CADPS2: variants seen among roughly 807,000 people sequenced by gnomAD.
The protein encoded by CADPS2 is calcium-dependent secretion activator 2.
A neutral mutation model predicts 172.5 loss-of-function variants in CADPS2; 93 were observed. The observed-to-expected ratio is 0.54, with a 90% confidence interval of 0.46 to 0.64. The LOEUF is 0.64. Among genes scored for constraint, CADPS2 ranks in the 30% least tolerant of loss-of-function variants. The pLI, the probability that CADPS2 is intolerant of heterozygous loss-of-function variation, is 0.00. For synonymous variants in CADPS2, 546 were observed against 555.2 expected, an observed-to-expected ratio of 0.98 and a Z score of 0.23; for missense variants, 1,420 against 1,565.9, an observed-to-expected ratio of 0.91 and a Z score of 1.57.
intron 1 of CADPS2, among the ~76,000 whole-genome samples, chr7:122,828,397 C>T (rs75706733): frequency 0.022 from 3,278 of 151,814 alleles, 63 homozygotes; most frequent in Non-Finnish European, 0.032. Context: ...TTAGAACTTT[C>T]ATTTTTAAGA....
At chr7:122,725,089 T>C (rs2090941867) in intron 2 of CADPS2, among the ~76,000 whole-genome samples, 1 of 152,034 alleles carries the variant, frequency 6.6e-6, no homozygotes, top group African/African-American at 2.4e-5. Context: ...TTGAGAGAGC[T>C]GCAGTGGAAT....
At chr7:122,711,816 C>G (rs977290776) in intron 2 of CADPS2, among the ~76,000 whole-genome samples, 9 of 151,976 alleles carry the variant, frequency 5.9e-5, no homozygotes, top group Admixed American at 5.9e-4. Flanking sequence ...CCACACCCGG[C>G]TAATTTTTGT....
intron 7 of CADPS2, among the ~76,000 whole-genome samples, chr7:122,574,445 T>TTAAAAA (rs1458311901): frequency 3.7e-4 from 14 of 37,970 alleles, no homozygotes; most frequent in African/African-American, 6.6e-4. Flanking sequence ...GACCCTGTCT[T>TTAAAAA]AAAAAAAAAA....
intron 6 of CADPS2, among the ~76,000 whole-genome samples, chr7:122,604,338 C>A (rs1387637553): frequency 6.6e-6 from 1 of 152,080 alleles, no homozygotes; most frequent in Non-Finnish European, 1.5e-5. Flanking sequence ...TACAGCAACA[C>A]TCTCAAGTAG....
intron 1 of CADPS2, among the ~76,000 whole-genome samples, chr7:122,759,408 G>A (rs1054987681): frequency 2.0e-5 from 3 of 152,168 alleles, no homozygotes; most frequent in Non-Finnish European, 2.9e-5. Context: ...ATCAAAGACT[G>A]TTTGAATAAA....
intron 1 of CADPS2, among the ~76,000 whole-genome samples, chr7:122,875,418 A>T (rs1321734077): frequency 6.6e-6 from 1 of 152,210 alleles, no homozygotes; most frequent in African/African-American, 2.4e-5. Flanking sequence ...TATGGCTGGA[A>T]ATGCAAAATA....
Position 122,514,890 on chromosome 7 carries a change from A to T in CADPS2, c.1476-1575T>A, listed in dbSNP as rs141683283. On this transcript the variant is annotated intron_variant, in intron 8 of 29. Transcript: ENST00000449022. ...AAGAGTAGGATTCAAAACTACACAC[A>T]TAGTTAATGATTTGGAACTTGTAAA... 7.9e-3 allele frequency among the ~76,000 whole-genome samples: 1,197 copies of T among 152,280 alleles called. 10 individuals are homozygous for T. The highest frequency in any genetic ancestry group is 0.011 in the Non-Finnish European group (773 of 67,994).
chr7:122,871,463 T>C (rs1278762272), intron 1 of CADPS2, among the ~76,000 whole-genome samples: 1 of 149,326 alleles, frequency 6.7e-6, no homozygotes, highest in Non-Finnish European at 1.5e-5. Flanking sequence ...TATACAGTAT[T>C]CCCCCCCACA....
intron 1 of CADPS2, among the ~76,000 whole-genome samples, chr7:122,873,221 T>C (rs954089010): frequency 6.6e-6 from 1 of 152,196 alleles, no homozygotes. Flanking sequence ...GGGATACATG[T>C]GCAGAATGTG....
rs564201467 is a variant in CADPS2 at position 122,563,838 on chromosome 7, T to C, written c.1336-9149A>G. On this transcript the variant is annotated intron_variant, in intron 7 of 29. Coordinates refer to ENST00000449022, the MANE Select transcript of CADPS2 (RefSeq NM_017954.11). ...CTAATTCATGGACTACTGATAGATG[T>C]GGGTATTTAAATTAAAAACCAACTA... Among the ~76,000 whole-genome samples the C allele has an allele frequency of 4.6e-5, 7 of 152,272 alleles. No individual in the cohort carries two copies. The South Asian group carries it at 1.5e-3, about 32-fold the overall frequency.
chr7:122,509,595 T>A (rs2059873281), intron 9 of CADPS2, among the ~76,000 whole-genome samples: 1 of 152,186 alleles, frequency 6.6e-6, no homozygotes, highest in South Asian at 2.1e-4. Context: ...AAATGAATGA[T>A]CCATAGTGAT....
chr7:122,606,793 C>CCTT (rs2073615486), intron 6 of CADPS2, among the ~76,000 whole-genome samples: 1 of 151,962 alleles, frequency 6.6e-6, no homozygotes, highest in Non-Finnish European at 1.5e-5. Flanking sequence ...GGATCTTCCA[C>CCTT]CTTATTTGAG....
chr7:122,840,265 A>C (rs987554494), intron 1 of CADPS2, among the ~76,000 whole-genome samples: 2 of 151,958 alleles, frequency 1.3e-5, no homozygotes, highest in Non-Finnish European at 2.9e-5. Context: ...AACATCACAC[A>C]CCAGGGCCTG....
intron 15 of CADPS2, among the ~76,000 whole-genome samples, chr7:122,450,911 A>G (rs552783247): frequency 2.3e-4 from 35 of 152,108 alleles, no homozygotes; most frequent in Admixed American, 6.6e-4. Flanking sequence ...TAAAAAGATA[A>G]CTAATGACTT....
At chr7:122,699,779 T>C (rs1430031482) in intron 2 of CADPS2, among the ~76,000 whole-genome samples, 1 of 152,202 alleles carries the variant, frequency 6.6e-6, no homozygotes, top group Non-Finnish European at 1.5e-5. Flanking sequence ...CTTTGATGTC[T>C]GTTATTAATC....
At chr7:122,609,601 G>A (rs2074038280) in intron 6 of CADPS2, among the ~76,000 whole-genome samples, 1 of 152,090 alleles carries the variant, frequency 6.6e-6, no homozygotes, top group African/African-American at 2.4e-5. Context: ...GTTACTCTTT[G>A]TAAATCAAAC....
At chr7:122,549,225 T>C (rs2063947612) in intron 8 of CADPS2, among the ~76,000 whole-genome samples, 1 of 152,074 alleles carries the variant, frequency 6.6e-6, no homozygotes, top group Admixed American at 6.6e-5. Context: ...AGCGAAACCC[T>C]GTCTCTACCC....
intron 1 of CADPS2, among the ~76,000 whole-genome samples, chr7:122,804,572 A>G (rs1360615742): frequency 6.6e-6 from 1 of 152,212 alleles, no homozygotes; most frequent in African/African-American, 2.4e-5. Context: ...TGGTAGAACT[A>G]GAGTGTGTAG....
chr7:122,707,599 A>G (rs2087790418), intron 2 of CADPS2, among the ~76,000 whole-genome samples: 2 of 151,976 alleles, frequency 1.3e-5, no homozygotes, highest in Admixed American at 1.3e-4. Flanking sequence ...TTCAAAAAAC[A>G]TTTATTTTGC....
Sources: allele counts gnomAD v4.1 joint callset (sites outside exome capture counted in the v4.1 genomes callset), GRCh38; gene constraint gnomAD v4.1.1; transcripts MANE v1.5; gene names NCBI Gene and HGNC (gene_info 2026-07-23, HGNC 2026-07-21).